Variants in PHF20L1 observed in about 807,000 individuals in gnomAD.
PHF20L1 encodes the protein PHD finger protein 20 like 1.
Under a neutral mutation model 125.5 loss-of-function variants are expected in PHF20L1, and 44 were observed. The observed-to-expected ratio is 0.35, with a 90% CI of 0.28 to 0.45. The LOEUF is 0.45. Ranked by LOEUF, PHF20L1 falls within the 20% of genes least tolerant of loss-of-function variation. PHF20L1 has a pLI of 1.00. For synonymous variants in PHF20L1, 380 were observed against 403.1 expected (o/e 0.94, Z 0.69); for missense variants, 1,012 against 1,217.2 (o/e 0.83, Z 2.51).
intron 16 of PHF20L1, among the ~76,000 whole-genome samples, chr8:132,837,341 A>T: frequency 6.6e-6 from 1 of 152,102 alleles, no homozygotes; most frequent in East Asian, 1.9e-4. Flanking sequence ...ACTTTAAGAG[A>T]TCATTGGTAT....
At position 132,799,190 on chromosome 8, in the gene PHF20L1, A is replaced by T. The variant is rs765807862; in HGVS notation, c.507+18A>T. The T allele has an allele frequency of 1.4e-4, 223 of 1,539,204 alleles. No individual in the cohort carries two copies. Among genetic ancestry groups the T allele is most frequent in the Admixed American group, 2.5e-4 (14 of 56,416 alleles). ...GAAGTGAGGTAAGAGCCTTTTTTTT[A>T]AAAATTTTGTTTTGTTTTTCCTGGT... is the stretch of plus-strand genomic sequence containing the variant. On this transcript the variant is annotated intron_variant, in intron 6 of 20. Transcript: ENST00000395386.
At chr8:132,806,388 T>G (rs1182812769) in intron 8 of PHF20L1, 1 of 152,056 alleles carries the variant, frequency 6.6e-6, no homozygotes, top group Non-Finnish European at 1.5e-5. Flanking sequence ...TTTGTAATAC[T>G]GGTTGCTTAA....
In PHF20L1 at chr8:132,848,769, C is replaced by T. The variant is rs1271828519; in HGVS notation, c.*2846C>T. The T allele has an allele frequency of 2.0e-5, 3 of 151,990 alleles. No homozygotes were observed. Among genetic ancestry groups the T allele is most frequent in the African/African-American group, 7.2e-5 (3 of 41,410 alleles). 9.4% of individuals were successfully genotyped at this position (151,990 alleles called of 1,614,324 possible). On this transcript the variant is annotated 3_prime_UTR_variant, in exon 21 of 21. Transcript: ENST00000395386. ...CATATTTCACATGTTCAAAATGAAG[C>T]GTACTATTTCCCCTCCAATAAACGA...
chr8:132,840,688 C>G (rs927824847), intron 18 of PHF20L1, among the ~76,000 whole-genome samples: 1 of 152,092 alleles, frequency 6.6e-6, no homozygotes, highest in Non-Finnish European at 1.5e-5. Flanking sequence ...GGCCTTTACT[C>G]ACACCCAGGA....
chr8:132,815,014 G>C, intron 10 of PHF20L1, 125 bp downstream of exon 10: 1 of 656,644 alleles, frequency 1.5e-6, no homozygotes, highest in Non-Finnish European at 2.5e-6. Flanking sequence ...TGATAGGGAA[G>C]GCTTGAAACT....
At chr8:132,784,754 A>G (rs1292673234) in intron 2 of PHF20L1, among the ~76,000 whole-genome samples, 1 of 152,196 alleles carries the variant, frequency 6.6e-6, no homozygotes, top group African/African-American at 2.4e-5. Flanking sequence ...TGTCTTGCAT[A>G]GATTTCCTAA....
At chr8:132,839,065 T>C (rs1196841775) in intron 17 of PHF20L1, 1 of 221,414 alleles carries the variant, frequency 4.5e-6, no homozygotes, top group Non-Finnish European at 9.0e-6. Flanking sequence ...TGTCTAGTTT[T>C]TATCCAGCCC....
intron 4 of PHF20L1, among the ~76,000 whole-genome samples, chr8:132,798,527 A>G (rs1832681398): frequency 1.3e-5 from 2 of 152,030 alleles, no homozygotes; most frequent in Admixed American, 1.3e-4. Flanking sequence ...TTTCTTAGTA[A>G]AAATCAGAAT....
Position 132,837,695 on chromosome 8 carries a change from T to G in PHF20L1, c.2092-17T>G. 6.3e-7 allele frequency: 1 copy of G among 1,592,172 alleles called. No homozygotes were observed. Among genetic ancestry groups the G allele is most frequent in the East Asian group, 2.2e-5 (1 of 44,680 alleles). On this transcript the variant is annotated splice_polypyrimidine_tract_variant and intron_variant, in intron 16 of 20. Coordinates refer to ENST00000395386, the MANE Select transcript of PHF20L1 (RefSeq NM_016018.5). ...AGTGAGGATCGGGTGACTGTAATAC[T>G]CCTCTGTTTTCTGCAGTGTGAAGAG...
chr8:132,821,887 C>T (rs1480364488), intron 12 of PHF20L1, among the ~76,000 whole-genome samples: 1 of 151,760 alleles, frequency 6.6e-6, no homozygotes, highest in Non-Finnish European at 1.5e-5. Context: ...AATTACTATT[C>T]TACAAACTAA....
intron 15 of PHF20L1, among the ~76,000 whole-genome samples, chr8:132,834,558 T>C (rs1837135081): frequency 6.6e-6 from 1 of 152,138 alleles, no homozygotes; most frequent in Non-Finnish European, 1.5e-5. Context: ...GGTTTCAAAC[T>C]CCTAACTTAA....
Position 132,810,994 on chromosome 8 carries a change from G to A in PHF20L1, c.848-52G>A, listed in dbSNP as rs907623886. ...TAAGATTTTTGCAAAGTTAATTAGG[G>A]TGTAAATCAGTATTTTTTCTAATAA... On this transcript the variant is annotated intron_variant, in intron 8 of 20. Coordinates refer to ENST00000395386, the MANE Select transcript of PHF20L1 (RefSeq NM_016018.5). The A allele has an allele frequency of 2.0e-5, 22 of 1,088,890 alleles. No homozygotes were observed. The African/African-American group carries it at 3.2e-4, about 16-fold the overall frequency. The allele number at this position is 1,088,890 out of a possible 1,614,324, so 67.5% of individuals were successfully genotyped here.
chr8:132,805,377 A>G (rs1211890349), intron 8 of PHF20L1, among the ~76,000 whole-genome samples: 2 of 151,908 alleles, frequency 1.3e-5, no homozygotes, highest in Non-Finnish European at 2.9e-5. Flanking sequence ...GTTCGTGTTC[A>G]TGGAAGAGGG....
intron 19 of PHF20L1, chr8:132,843,200 A>C: frequency 9.7e-7 from 1 of 1,030,886 alleles, no homozygotes; most frequent in Non-Finnish European, 1.2e-6. Context: ...AGAATGTGAA[A>C]GTACATATGG....
rs1231575428 is a variant in PHF20L1 at position 132,804,476 on chromosome 8, T to C, written c.722-139T>C. ...TAATATATTAGTCTGGAGGGATTTG[T>C]GTTTTTCAAAGGTCTGTATCAAGTA... is the stretch of plus-strand genomic sequence containing the variant. On this transcript the variant is annotated intron_variant, in intron 7 of 20. Coordinates refer to ENST00000395386, the MANE Select transcript of PHF20L1 (RefSeq NM_016018.5). 3 of 552,302 alleles carry C rather than the reference T, an allele frequency of 5.4e-6. No homozygotes were observed. In the East Asian group the frequency reaches 9.2e-5, roughly 17 times the overall value. The allele number at this position is 552,302 out of a possible 1,614,324, so 34.2% of individuals were successfully genotyped here.
intron 19 of PHF20L1, chr8:132,843,308 C>CTATTCA: frequency 1.0e-6 from 1 of 984,450 alleles, no homozygotes; most frequent in Non-Finnish European, 1.2e-6. Flanking sequence ...ATGCATCCCA[C>CTATTCA]TATTCAGTAA....
chr8:132,836,071 CAGT>C (rs961825607), intron 15 of PHF20L1, among the ~76,000 whole-genome samples: 2 of 151,908 alleles, frequency 1.3e-5, no homozygotes, highest in African/African-American at 2.4e-5. Flanking sequence ...AATGAAGAAT[CAGT>C]GGTGTGCTAG....
chr8:132,796,335 A>G (rs1488745388), intron 4 of PHF20L1, among the ~76,000 whole-genome samples: 1 of 152,068 alleles, frequency 6.6e-6, no homozygotes, highest in Admixed American at 6.6e-5. Context: ...AATCTTGCTA[A>G]AGAATTAGAA....
chr8:132,836,638 G>A lies in PHF20L1; in HGVS notation c.2008G>A (p.Glu670Lys). 6.2e-7 allele frequency: 1 copy of A among 1,612,994 alleles called. No individual in the cohort carries two copies. The highest frequency in any genetic ancestry group is 8.5e-7 in the Non-Finnish European group (1 of 1,179,228). Residue 670 changes from glutamate to lysine, a missense_variant, in exon 16 of 21, where the codon GAA becomes AAA. Glu to Lys is a moderately conservative substitution (Grantham distance 56). Around this residue, in one of 7 missense-constraint regions of PHF20L1, gnomAD observed 320 missense variants for 293.8 expected, o/e 1.09. Transcript: ENST00000395386. ...NQDFDSTNFE[E>K]SQDEDDALNE... Reference sequence around the variant, plus strand: ...GGACTTTGATTCAACCAATTTTGAGGAATCTCAGGATGAGGATGATGCTCT... The same window carrying A: ...GGACTTTGATTCAACCAATTTTGAGAAATCTCAGGATGAGGATGATGCTCT...
Sources: gnomAD v4.1 joint callset for allele counts (sites outside exome capture counted in the v4.1 genomes callset) on GRCh38, gnomAD v4.1.1 for gene constraint, gnomAD v4.1.1 regional missense constraint, MANE v1.5 for transcripts, NCBI Gene and HGNC (gene_info 2026-07-23, HGNC 2026-07-21) for gene names.